Variants in KIAA1328 observed in about 807,000 individuals in gnomAD.
KIAA1328 encodes KIAA1328, also known as protein hinderin.
In KIAA1328, 52 loss-of-function variants were observed where a neutral mutation model predicts 68.1. The observed-to-expected ratio is 0.76, with a 90% CI of 0.61 to 0.96. KIAA1328 has a LOEUF of 0.96. Among genes scored for constraint, KIAA1328 ranks in the 40% least tolerant of loss-of-function variants. The pLI, the probability that KIAA1328 is intolerant of heterozygous loss-of-function variation, is 0.00. For missense variants in KIAA1328, 641 were observed against 677.6 expected, an observed-to-expected ratio of 0.95 and a Z score of 0.60; for synonymous variants, 232 against 239.4, an observed-to-expected ratio of 0.97 and a Z score of 0.28.
At chr18:37,046,061 A>G (rs1294430742) in intron 6 of KIAA1328, among the ~76,000 whole-genome samples, 1 of 152,208 alleles carries the variant, frequency 6.6e-6, no homozygotes, top group Non-Finnish European at 1.5e-5. Context: ...CCACCTTTTC[A>G]GAACAATGTT....
intron 9 of KIAA1328, among the ~76,000 whole-genome samples, chr18:37,187,064 T>C (rs1188724984): frequency 6.6e-6 from 1 of 151,976 alleles, no homozygotes. Flanking sequence ...CTCAGGAGGC[T>C]GAGGCAGGAG....
chr18:36,855,479 T>C (rs1004202068), intron 4 of KIAA1328, among the ~76,000 whole-genome samples: 4 of 152,150 alleles, frequency 2.6e-5, no homozygotes, highest in African/African-American at 9.6e-5. Flanking sequence ...TCAAGTCCTT[T>C]CTCCATTTTT....
intron 5 of KIAA1328, among the ~76,000 whole-genome samples, chr18:36,898,621 T>C (rs1052509307): frequency 3.9e-5 from 6 of 152,002 alleles, no homozygotes; most frequent in Non-Finnish European, 8.8e-5. Flanking sequence ...CTTATTCATA[T>C]AAAACTCATC....
At chr18:36,901,371 T>A (rs1000459276) in intron 5 of KIAA1328, among the ~76,000 whole-genome samples, 2 of 152,090 alleles carry the variant, frequency 1.3e-5, no homozygotes, top group African/African-American at 4.8e-5. Flanking sequence ...GATAGATTTA[T>A]GGCAAAACTC....
chr18:37,165,080 T>A (rs1029946397), intron 8 of KIAA1328, among the ~76,000 whole-genome samples: 1 of 152,124 alleles, frequency 6.6e-6, no homozygotes, highest in Admixed American at 6.5e-5. Flanking sequence ...ACGCTTCCTC[T>A]TCTTATAAGG....
At chr18:37,142,092 A>C (rs1482784492) in intron 7 of KIAA1328, among the ~76,000 whole-genome samples, 1 of 152,216 alleles carries the variant, frequency 6.6e-6, no homozygotes, top group Non-Finnish European at 1.5e-5. Context: ...TTGCTATAGA[A>C]GTTATATAGT....
chr18:36,937,482 G>A (rs2151171236), intron 5 of KIAA1328, among the ~76,000 whole-genome samples: 1 of 152,092 alleles, frequency 6.6e-6, no homozygotes, highest in African/African-American at 2.4e-5. Flanking sequence ...CTAATATCCA[G>A]AATTTACAAG....
At chr18:37,130,550 G>A (rs1316569050) in intron 7 of KIAA1328, among the ~76,000 whole-genome samples, 1 of 152,068 alleles carries the variant, frequency 6.6e-6, no homozygotes, top group African/African-American at 2.4e-5. Flanking sequence ...CCCAGGAGGC[G>A]GAGGTTGCAG....
intron 5 of KIAA1328, among the ~76,000 whole-genome samples, chr18:36,891,427 A>C (rs1315104568): frequency 6.6e-6 from 1 of 152,162 alleles, no homozygotes; most frequent in Non-Finnish European, 1.5e-5. Flanking sequence ...CATTGTACCC[A>C]GTATGTAGTC....
intron 5 of KIAA1328, among the ~76,000 whole-genome samples, chr18:36,891,751 C>G (rs575900084): frequency 8.9e-4 from 135 of 152,278 alleles, no homozygotes; most frequent in Non-Finnish European, 1.7e-3. Context: ...CTATTGCGAA[C>G]TGTGCTGCTA....
intron 5 of KIAA1328, among the ~76,000 whole-genome samples, chr18:36,941,680 A>G (rs2050719282): frequency 2.0e-5 from 3 of 152,346 alleles, no homozygotes; most frequent in Middle Eastern, 3.4e-3. Flanking sequence ...AAATAGACAT[A>G]TAAAACACAT....
chr18:36,987,484 A>G (rs1332666954), intron 6 of KIAA1328, among the ~76,000 whole-genome samples: 2 of 77,578 alleles, frequency 2.6e-5, no homozygotes, highest in Non-Finnish European at 6.9e-5. Flanking sequence ...TTAGAGTATA[A>G]TAAAAAAAAA....
At chr18:36,844,043 GTTCC>G (rs1201593856) in intron 3 of KIAA1328, among the ~76,000 whole-genome samples, 161 bp from the exon 4 acceptor site, 2 of 152,118 alleles carry the variant, frequency 1.3e-5, no homozygotes, top group Admixed American at 1.3e-4. Flanking sequence ...TGGACAGTCA[GTTCC>G]TTAGCCTGTT....
intron 3 of KIAA1328, among the ~76,000 whole-genome samples, chr18:36,842,836 T>G (rs995140302): frequency 1.3e-5 from 2 of 152,094 alleles, no homozygotes; most frequent in Non-Finnish European, 2.9e-5. Context: ...TTAGCACTGT[T>G]GAACCCACAC....
chr18:37,067,721 G>C (rs1355482357), intron 7 of KIAA1328, among the ~76,000 whole-genome samples, 176 bp downstream of exon 7: 1 of 151,926 alleles, frequency 6.6e-6, no homozygotes, highest in Non-Finnish European at 1.5e-5. Flanking sequence ...CACCATGCCC[G>C]GCTAATTTTT....
At chr18:36,832,742 A>G (rs2046535853) in intron 1 of KIAA1328, 1 of 152,162 alleles carries the variant, frequency 6.6e-6, no homozygotes. Flanking sequence ...AGGGTACAAC[A>G]CTGAACAAAA....
At chr18:36,999,776 C>T (rs2053521286) in intron 6 of KIAA1328, among the ~76,000 whole-genome samples, 1 of 151,886 alleles carries the variant, frequency 6.6e-6, no homozygotes, top group African/African-American at 2.4e-5. Context: ...AGTCATAAAC[C>T]TGGAAGTGAC....
At chr18:37,143,233 G>A (rs1217902530) in intron 7 of KIAA1328, among the ~76,000 whole-genome samples, 1 of 152,106 alleles carries the variant, frequency 6.6e-6, no homozygotes, top group Non-Finnish European at 1.5e-5. Context: ...GGGATTACAG[G>A]TGTGAGCCAC....
intron 9 of KIAA1328, among the ~76,000 whole-genome samples, chr18:37,198,632 A>C (rs994182272): frequency 6.6e-6 from 1 of 152,226 alleles, no homozygotes; most frequent in African/African-American, 2.4e-5. Context: ...CATTACTAAA[A>C]GGTTCCTAAG....
Sources: allele counts gnomAD v4.1 joint callset (sites outside exome capture counted in the v4.1 genomes callset), GRCh38; gene constraint gnomAD v4.1.1; transcripts MANE v1.5; gene names NCBI Gene and HGNC (gene_info 2026-07-23, HGNC 2026-07-21).